CDH13: variants seen among roughly 807,000 people sequenced by gnomAD.
CDH13 encodes cadherin-13.
A neutral mutation model predicts 63.8 loss-of-function variants in CDH13; 24 were observed. The observed-to-expected ratio is 0.38, with a 90% CI of 0.27 to 0.53. The LOEUF (loss-of-function observed/expected upper bound fraction) is 0.53, where lower values mean the gene tolerates loss of function less well. Among genes scored for constraint, CDH13 ranks in the 20% least tolerant of loss-of-function variants. The pLI is 0.85. For missense variants in CDH13, 1,049 were observed against 903.1 expected (o/e 1.16, Z -2.07); for synonymous variants, 503 against 355.3 (o/e 1.42, Z -4.67).
intron 1 of CDH13, among the ~76,000 whole-genome samples, chr16:82,842,114 A>ATG (rs2039042187): frequency 5.2e-5 from 2 of 38,240 alleles, no homozygotes; most frequent in African/African-American, 1.0e-4. Context: ...ATATATATGT[A>ATG]TATATATATA....
intron 1 of CDH13, among the ~76,000 whole-genome samples, chr16:82,798,288 C>A (rs769897628): frequency 6.6e-6 from 1 of 152,114 alleles, no homozygotes; most frequent in African/African-American, 2.4e-5. Context: ...TCGTAGGAGC[C>A]GCACACTCAG....
chr16:83,175,581 T>C (rs1207483897), intron 4 of CDH13, among the ~76,000 whole-genome samples: 1 of 152,082 alleles, frequency 6.6e-6, no homozygotes. Context: ...AACAAACCCC[T>C]GTGTTGTCAG....
chr16:83,440,479 A>G (rs146882238), intron 6 of CDH13, among the ~76,000 whole-genome samples: 5 of 152,224 alleles, frequency 3.3e-5, no homozygotes, highest in African/African-American at 1.2e-4. Flanking sequence ...GTGGCAGGTC[A>G]CAGAAGATGG....
intron 1 of CDH13, among the ~76,000 whole-genome samples, chr16:82,676,486 CTTTTTTTT>C (rs11330492): frequency 9.8e-4 from 94 of 96,346 alleles, no homozygotes; most frequent in Admixed American, 1.4e-3. Context: ...ACCATCATTT[CTTTTTTTT>C]TTTTTTTTTT....
At chr16:83,539,336 C>G (rs1232528456) in intron 7 of CDH13, among the ~76,000 whole-genome samples, 1 of 152,166 alleles carries the variant, frequency 6.6e-6, no homozygotes, top group Non-Finnish European at 1.5e-5. Flanking sequence ...CATGGCTGAT[C>G]TGACAGGAGG....
At chr16:83,006,442 G>T (rs985810544) in intron 2 of CDH13, among the ~76,000 whole-genome samples, 45 of 152,268 alleles carry the variant, frequency 3.0e-4, no homozygotes, top group African/African-American at 9.9e-4. Context: ...AAATGCCAAA[G>T]CTTGCCTTTC....
chr16:83,603,048 A>G (rs1046859146), intron 8 of CDH13, among the ~76,000 whole-genome samples: 3 of 152,194 alleles, frequency 2.0e-5, no homozygotes, highest in African/African-American at 7.2e-5. Context: ...AATAACAACA[A>G]AGTTAGCTCA....
intron 1 of CDH13, among the ~76,000 whole-genome samples, chr16:82,714,562 A>G (rs562421641): frequency 6.6e-6 from 1 of 151,704 alleles, no homozygotes; most frequent in South Asian, 2.1e-4. Context: ...AAAAATATAT[A>G]AATTAGCTGG....
intron 10 of CDH13, among the ~76,000 whole-genome samples, chr16:83,694,611 C>T (rs1160195653): frequency 6.6e-6 from 1 of 152,192 alleles, no homozygotes; most frequent in Admixed American, 6.5e-5. Context: ...TCAGTTCCCA[C>T]ACTAAAGAGT....
chr16:82,911,459 A>G (rs1360198129), intron 2 of CDH13, among the ~76,000 whole-genome samples: 1 of 152,136 alleles, frequency 6.6e-6, no homozygotes, highest in African/African-American at 2.4e-5. Flanking sequence ...GGAACTCTGC[A>G]GGGGCTACAT....
intron 1 of CDH13, among the ~76,000 whole-genome samples, chr16:82,758,847 A>G (rs1158432579): frequency 6.6e-6 from 1 of 152,212 alleles, no homozygotes; most frequent in Non-Finnish European, 1.5e-5. Flanking sequence ...TTGAGTTAGC[A>G]TACTTCAGTT....
At chr16:82,858,796 C>G in intron 2 of CDH13, 1 of 390,972 alleles carries the variant, frequency 2.6e-6, no homozygotes, top group Non-Finnish European at 4.6e-6. Flanking sequence ...GGGCAGATCC[C>G]CAAAATCAAA....
intron 4 of CDH13, among the ~76,000 whole-genome samples, chr16:83,179,372 G>A (rs899562839): frequency 2.0e-5 from 3 of 151,548 alleles, no homozygotes; most frequent in East Asian, 1.9e-4. Context: ...GGATGGGCGC[G>A]GTGGCTCACG....
chr16:82,751,085 C>T (rs74943884), intron 1 of CDH13, among the ~76,000 whole-genome samples: 5,423 of 152,256 alleles, frequency 0.036, 129 homozygotes, highest in Non-Finnish European at 0.056. Context: ...AGCATCTATC[C>T]AGTTCCCTAT....
chr16:83,445,888 G>A (rs1428528715), intron 6 of CDH13, among the ~76,000 whole-genome samples: 1 of 152,086 alleles, frequency 6.6e-6, no homozygotes, highest in African/African-American at 2.4e-5. Flanking sequence ...TACAAACCAC[G>A]CCGAACAACA....
chr16:82,822,480 A>C (rs934252170), intron 1 of CDH13, among the ~76,000 whole-genome samples: 5 of 152,228 alleles, frequency 3.3e-5, no homozygotes, highest in African/African-American at 1.2e-4. Flanking sequence ...TTTTTAAAAA[A>C]ATAGTTACTG....
chr16:83,236,441 T>G (rs151140454), intron 5 of CDH13, among the ~76,000 whole-genome samples: 1 of 152,166 alleles, frequency 6.6e-6, no homozygotes. Flanking sequence ...TAACATCCTA[T>G]AAGAAAATCT....
intron 1 of CDH13, among the ~76,000 whole-genome samples, chr16:82,717,987 G>A (rs373865748): frequency 2.6e-4 from 39 of 152,312 alleles, no homozygotes; most frequent in Middle Eastern, 3.4e-3. Context: ...CCCATTCTGT[G>A]TGTGCAGGGA....
intron 1 of CDH13, among the ~76,000 whole-genome samples, chr16:82,742,776 A>G (rs577664156): frequency 6.6e-6 from 1 of 152,308 alleles, no homozygotes; most frequent in African/African-American, 2.4e-5. Flanking sequence ...TATCACAACA[A>G]ATGCCATATT....
Sources: allele counts gnomAD v4.1 joint callset (sites outside exome capture counted in the v4.1 genomes callset), GRCh38; gene constraint gnomAD v4.1.1; transcripts MANE v1.5; gene names NCBI Gene and HGNC (gene_info 2026-07-23, HGNC 2026-07-21).